The following CNTLN variants were observed in gnomAD, a reference collection of about 807,000 sequenced individuals.
CNTLN encodes the protein centlein, also known as centlein, centrosomal protein.
CNTLN carries 212 observed loss-of-function variants against 180.0 expected under a neutral mutation model. That is an observed-to-expected ratio of 1.18 (90% CI 1.05 to 1.32). The LOEUF (loss-of-function observed/expected upper bound fraction) is 1.32, where lower values mean the gene tolerates loss of function less well. CNTLN is among the 40% of genes most tolerant of loss of function. The pLI, the probability that CNTLN is intolerant of heterozygous loss-of-function variation, is 0.00. For synonymous variants in CNTLN, 722 were observed against 563.1 expected, an observed-to-expected ratio of 1.28 and a Z score of -3.99; for missense variants, 2,095 against 1,610.9, an observed-to-expected ratio of 1.30 and a Z score of -5.14.
At chr9:17,339,127 G>A (rs971589578) in intron 10 of CNTLN, among the ~76,000 whole-genome samples, 4 of 151,972 alleles carry the variant, frequency 2.6e-5, no homozygotes, top group Non-Finnish European at 5.9e-5. Context: ...ATTTCTGTAC[G>A]GCATATAGAA....
chr9:17,305,408 G>A (rs991532016), intron 7 of CNTLN, among the ~76,000 whole-genome samples: 4 of 152,054 alleles, frequency 2.6e-5, no homozygotes, highest in Non-Finnish European at 5.9e-5. Flanking sequence ...GAGCCTCTCT[G>A]AAAACTGTTG....
chr9:17,480,407 GA>G (rs1227343425), intron 23 of CNTLN, among the ~76,000 whole-genome samples: 2 of 151,236 alleles, frequency 1.3e-5, no homozygotes, highest in Non-Finnish European at 2.9e-5. Context: ...AGTTTGTGAA[GA>G]AAATGTAGAA....
chr9:17,418,226 C>G (rs183450096), intron 18 of CNTLN, among the ~76,000 whole-genome samples: 1 of 152,008 alleles, frequency 6.6e-6, no homozygotes, highest in Non-Finnish European at 1.5e-5. Context: ...AATTTTCCAT[C>G]TCAAAAATCG....
chr9:17,480,205 AC>A (rs1394234012), intron 23 of CNTLN, among the ~76,000 whole-genome samples: 17 of 152,118 alleles, frequency 1.1e-4, no homozygotes, highest in East Asian at 3.9e-4. Context: ...AAACAAAAAA[AC>A]ATATCCGTAC....
At chr9:17,404,311 G>C (rs374226880) in intron 15 of CNTLN, among the ~76,000 whole-genome samples, 3 of 151,702 alleles carry the variant, frequency 2.0e-5, no homozygotes, top group Non-Finnish European at 4.4e-5. Flanking sequence ...AAGTATTTTA[G>C]GTTGGCGTGG....
Position 17,417,171 on chromosome 9 carries a change from C to G in CNTLN, c.3114+982C>G, listed in dbSNP as rs191369679. Among the ~76,000 whole-genome samples, 1,507 of 152,188 alleles carry G rather than the reference C, an allele frequency of 9.9e-3. 18 individuals carry two copies. The highest frequency in any genetic ancestry group is 0.034 in the African/African-American group (1,423 of 41,524). Reference sequence around the variant, plus strand: ...GTGGGATACCAGATAAGACTGAGCTCTATGTTAGAATTTAGACACAGCCAC... The same window carrying G: ...GTGGGATACCAGATAAGACTGAGCTGTATGTTAGAATTTAGACACAGCCAC... On this transcript the variant is annotated intron_variant, in intron 18 of 25. Transcript: ENST00000380647.
At chr9:17,354,369 G>A (rs1028983501) in intron 12 of CNTLN, among the ~76,000 whole-genome samples, 8 of 152,210 alleles carry the variant, frequency 5.3e-5, no homozygotes, top group African/African-American at 1.9e-4. Context: ...GCCCCGGTGC[G>A]GGATCCACTG....
chr9:17,431,560 T>G (rs2133982841), intron 18 of CNTLN, among the ~76,000 whole-genome samples: 1 of 152,268 alleles, frequency 6.6e-6, no homozygotes, highest in Non-Finnish European at 1.5e-5. Flanking sequence ...CCCATTTGTC[T>G]ATTTTTGCTT....
chr9:17,338,211 G>A (rs1821189608), intron 10 of CNTLN, among the ~76,000 whole-genome samples: 1 of 147,418 alleles, frequency 6.8e-6, no homozygotes, highest in Admixed American at 6.9e-5. Flanking sequence ...CCAAGCTGTA[G>A]TACAGTGCAG....
intron 5 of CNTLN, among the ~76,000 whole-genome samples, chr9:17,255,796 G>C (rs1051558088): frequency 1.3e-4 from 20 of 151,728 alleles, no homozygotes; most frequent in African/African-American, 4.6e-4. Context: ...CCCATGCTTT[G>C]TTGATAGGTT....
intron 5 of CNTLN, among the ~76,000 whole-genome samples, chr9:17,262,638 C>G (rs1014396022): frequency 6.6e-6 from 1 of 151,314 alleles, no homozygotes; most frequent in South Asian, 2.1e-4. Context: ...TCGGGGTTAA[C>G]ACCTAGTTGA....
At position 17,174,552 on chromosome 9, in the gene CNTLN, C is replaced by T. The variant is rs138199021; in HGVS notation, c.449+31176C>T. Reference sequence around the variant, plus strand: ...CTCTACCAAAAATATAAAAATTAGCCGGACGTGGTGGTGGGTGCCTGTAGT... The same window carrying T: ...CTCTACCAAAAATATAAAAATTAGCTGGACGTGGTGGTGGGTGCCTGTAGT... On this transcript the variant is annotated intron_variant, in intron 2 of 25. Coordinates refer to ENST00000380647, the MANE Select transcript of CNTLN (RefSeq NM_017738.4). Among the ~76,000 whole-genome samples the T allele has an allele frequency of 3.0e-4, 46 of 152,070 alleles. No homozygotes were observed. In the East Asian group the frequency reaches 7.4e-3, roughly 24 times the overall value.
At chr9:17,204,489 A>G (rs895579266) in intron 2 of CNTLN, among the ~76,000 whole-genome samples, 7 of 152,118 alleles carry the variant, frequency 4.6e-5, no homozygotes, top group Non-Finnish European at 1.0e-4. Context: ...TTGGCTGGGT[A>G]TCACCAGCTG....
intron 5 of CNTLN, among the ~76,000 whole-genome samples, chr9:17,265,585 A>G (rs144930442): frequency 0.01 from 1,559 of 152,004 alleles, 28 homozygotes; most frequent in African/African-American, 0.034. Flanking sequence ...CTCTTTTTCT[A>G]TTGATTGGAA....
rs552957479 is a variant in CNTLN, at chr9:17,395,215, T to G, written c.2615+146T>G. ...CTTTGAAATATCTTGGGAGGTCTTG[T>G]TCTGAGCTTATTGACTGAAATTTGC... On this transcript the variant is annotated intron_variant, in intron 15 of 25. Coordinates refer to ENST00000380647, the MANE Select transcript of CNTLN (RefSeq NM_017738.4). The G allele has an allele frequency of 1.7e-4, 212 of 1,272,744 alleles. No homozygotes were observed. The East Asian group carries it at 2.7e-3, about 16-fold the overall frequency. The allele number at this position is 1,272,744 out of a possible 1,614,324, so 78.8% of individuals were successfully genotyped here.
At chr9:17,275,835 T>G (rs1587454811) in intron 6 of CNTLN, among the ~76,000 whole-genome samples, 1 of 152,210 alleles carries the variant, frequency 6.6e-6, no homozygotes, top group East Asian at 1.9e-4. Flanking sequence ...AGAGTTTGAT[T>G]ATAAGGACCT....
chr9:17,523,674 T>C, the CNTLN span, among the ~76,000 whole-genome samples: 1 of 152,248 alleles, frequency 6.6e-6, no homozygotes, highest in Non-Finnish European at 1.5e-5. Context: ...ACGGTAGAAC[T>C]GAATGAACTT....
intron 2 of CNTLN, among the ~76,000 whole-genome samples, chr9:17,155,904 G>A (rs1324059654): frequency 1.3e-5 from 2 of 152,214 alleles, no homozygotes; most frequent in Non-Finnish European, 2.9e-5. Flanking sequence ...TTTGCGGGAT[G>A]TAAAGACCGT....
intron 2 of CNTLN, chr9:17,168,162 T>C (rs1397872587): frequency 1.3e-5 from 2 of 152,236 alleles, no homozygotes; most frequent in African/African-American, 2.4e-5. Flanking sequence ...TGTTGAGTTA[T>C]TGGAATCCTC....
Sources: gnomAD v4.1 joint callset for allele counts (sites outside exome capture counted in the v4.1 genomes callset) on GRCh38, gnomAD v4.1.1 for gene constraint, MANE v1.5 for transcripts, NCBI Gene and HGNC (gene_info 2026-07-23, HGNC 2026-07-21) for gene names.